CADM2: variants seen among roughly 807,000 people sequenced by gnomAD.
The protein encoded by CADM2 is cell adhesion molecule 2, also known as immunoglobulin superfamily member 4D.
In CADM2, 12 loss-of-function variants were observed where a neutral mutation model predicts 49.8. The ratio of observed to expected loss-of-function variants is 0.24; its 90% CI spans 0.15 to 0.39. CADM2 has a LOEUF of 0.39. CADM2 is among the 10% of genes least tolerant of loss of function. The pLI is 1.00. For synonymous variants in CADM2, 214 were observed against 175.4 expected (o/e 1.22, Z -1.74); for missense variants, 378 against 492.3 (o/e 0.77, Z 2.20).
chr3:85,846,598 G>A (rs989398631), intron 3 of CADM2, among the ~76,000 whole-genome samples: 2 of 152,130 alleles, frequency 1.3e-5, no homozygotes, highest in Non-Finnish European at 2.9e-5. Context: ...TATGTGTGGT[G>A]GCTTACACCT....
intron 1 of CADM2, among the ~76,000 whole-genome samples, chr3:85,195,709 A>G (rs2041328672): frequency 6.6e-6 from 1 of 151,998 alleles, no homozygotes; most frequent in Non-Finnish European, 1.5e-5. Context: ...TATGTGCCTA[A>G]AACTCCAAAG....
chr3:85,862,951 C>T (rs549785159), intron 3 of CADM2, among the ~76,000 whole-genome samples: 1 of 152,148 alleles, frequency 6.6e-6, no homozygotes, highest in South Asian at 2.1e-4. Flanking sequence ...ATGTGGAAGA[C>T]TGAAAGAGCT....
chr3:85,785,260 G>A (rs1187576911), intron 2 of CADM2, among the ~76,000 whole-genome samples: 2 of 151,790 alleles, frequency 1.3e-5, no homozygotes, highest in African/African-American at 4.8e-5. Flanking sequence ...ATTTTTTAGT[G>A]TCAGATTCAT....
rs189899870 is a variant in CADM2, at chr3:85,814,623, C to T, written c.238+12427C>T. On this transcript the variant is annotated intron_variant, in intron 3 of 9. Transcript: ENST00000383699. ...ATCAACAAAACAGATAGACTGCTAG[C>T]CAGACTAATAAAGAAGAAAAGAGAG... Among the ~76,000 whole-genome samples, 1,171 of 151,766 alleles carry T rather than the reference C, an allele frequency of 7.7e-3. 13 individuals are homozygous for T. The highest frequency in any genetic ancestry group is 0.012 in the Non-Finnish European group (815 of 67,874).
At chr3:85,795,664 A>C (rs1226290495) in intron 2 of CADM2, among the ~76,000 whole-genome samples, 1 of 152,200 alleles carries the variant, frequency 6.6e-6, no homozygotes, top group Non-Finnish European at 1.5e-5. Context: ...CAGTAAGAAA[A>C]AATAAATTAT....
intron 1 of CADM2, among the ~76,000 whole-genome samples, chr3:85,502,899 C>CT (rs1457812894): frequency 2.6e-5 from 4 of 151,784 alleles, no homozygotes; most frequent in Non-Finnish European, 5.9e-5. Flanking sequence ...ATGATATAAC[C>CT]TTTTTTTGAG....
At chr3:85,837,297 G>A (rs185431143) in intron 3 of CADM2, among the ~76,000 whole-genome samples, 2 of 151,654 alleles carry the variant, frequency 1.3e-5, no homozygotes, top group East Asian at 1.9e-4. Flanking sequence ...CTGTTAACTG[G>A]ATAATGTAAT....
At chr3:85,879,007 G>A (rs1712343354) in intron 3 of CADM2, among the ~76,000 whole-genome samples, 1 of 150,828 alleles carries the variant, frequency 6.6e-6, no homozygotes, top group Non-Finnish European at 1.5e-5. Context: ...ACATGAGTAT[G>A]TATAATATAC....
intron 1 of CADM2, among the ~76,000 whole-genome samples, chr3:85,209,014 T>G (rs2041715515): frequency 6.6e-6 from 1 of 152,196 alleles, no homozygotes; most frequent in South Asian, 2.1e-4. Context: ...TTAAGCTTTT[T>G]GAAAGTTGTA....
At chr3:86,004,021 A>C (rs1387535175) in intron 8 of CADM2, among the ~76,000 whole-genome samples, 2 of 152,182 alleles carry the variant, frequency 1.3e-5, no homozygotes, top group African/African-American at 2.4e-5. Flanking sequence ...GGCCACATGC[A>C]GACCATGGAT....
intron 4 of CADM2, 70 bp downstream of exon 4, chr3:85,883,513 T>A: frequency 7.7e-7 from 1 of 1,290,726 alleles, no homozygotes. Context: ...GCAACATAAT[T>A]CAATACAAAA....
At chr3:85,672,997 A>G (rs564814934) in intron 1 of CADM2, among the ~76,000 whole-genome samples, 4 of 152,322 alleles carry the variant, frequency 2.6e-5, no homozygotes, top group Admixed American at 2.6e-4. Flanking sequence ...TGTTAATGCA[A>G]TATTTCTTGC....
chr3:85,616,076 A>G (rs1031333937), intron 1 of CADM2, among the ~76,000 whole-genome samples: 3 of 151,970 alleles, frequency 2.0e-5, no homozygotes, highest in Admixed American at 1.3e-4. Flanking sequence ...TGCTGAATTG[A>G]AAGAGCCTCG....
intron 1 of CADM2, among the ~76,000 whole-genome samples, chr3:85,629,173 A>G (rs1448974466): frequency 6.6e-6 from 1 of 151,852 alleles, no homozygotes; most frequent in Admixed American, 6.6e-5. Context: ...GTAATATTTT[A>G]AAGTATTTTG....
chr3:85,777,616 C>A (rs949522358), intron 2 of CADM2, among the ~76,000 whole-genome samples: 2 of 152,096 alleles, frequency 1.3e-5, no homozygotes, highest in Non-Finnish European at 2.9e-5. Context: ...TCCTATATTC[C>A]TCTACTATTC....
At chr3:85,567,431 A>G (rs947343734) in intron 1 of CADM2, among the ~76,000 whole-genome samples, 6 of 152,194 alleles carry the variant, frequency 3.9e-5, no homozygotes, top group African/African-American at 1.2e-4. Context: ...TCTGTTTGTA[A>G]TAGAGCACAG....
intron 1 of CADM2, among the ~76,000 whole-genome samples, chr3:85,233,716 T>A (rs1301853291): frequency 6.6e-6 from 1 of 152,166 alleles, no homozygotes; most frequent in Non-Finnish European, 1.5e-5. Flanking sequence ...TTGTTTATAA[T>A]GGTTTAAATT....
chr3:85,268,979 C>A (rs1429251877), intron 1 of CADM2, among the ~76,000 whole-genome samples: 2 of 151,142 alleles, frequency 1.3e-5, no homozygotes, highest in African/African-American at 2.4e-5. Context: ...AACAAAATTG[C>A]TATCTAATTT....
chr3:86,054,414 T>A (rs1209632108), intron 8 of CADM2, among the ~76,000 whole-genome samples: 2 of 152,098 alleles, frequency 1.3e-5, no homozygotes, highest in Non-Finnish European at 2.9e-5. Context: ...AAAATATATT[T>A]TAGTAGAAAT....
Sources: gnomAD v4.1 joint callset for allele counts (sites outside exome capture counted in the v4.1 genomes callset) on GRCh38, gnomAD v4.1.1 for gene constraint, MANE v1.5 for transcripts, NCBI Gene and HGNC (gene_info 2026-07-23, HGNC 2026-07-21) for gene names.